The following DPP10 variants were observed in gnomAD, a reference collection of about 807,000 sequenced individuals.
DPP10 encodes the protein inactive dipeptidyl peptidase 10.
Under a neutral mutation model 120.9 loss-of-function variants are expected in DPP10, and 33 were observed. The observed-to-expected ratio is 0.27, with a 90% confidence interval of 0.21 to 0.37. The LOEUF (loss-of-function observed/expected upper bound fraction) is 0.37, where lower values mean the gene tolerates loss of function less well. Ranked by LOEUF, DPP10 falls within the 10% of genes least tolerant of loss-of-function variation. DPP10 has a pLI of 1.00. For synonymous variants in DPP10, 337 were observed against 326.1 expected (o/e 1.03, Z -0.36); for missense variants, 816 against 942.8 (o/e 0.87, Z 1.76).
chr2:114,803,662 G>A (rs1263707239), intron 1 of DPP10, among the ~76,000 whole-genome samples: 2 of 152,144 alleles, frequency 1.3e-5, no homozygotes, highest in African/African-American at 4.8e-5. Context: ...GAGATCCATG[G>A]AATTTTGAAC....
At chr2:115,754,204 G>C (rs1476304003) in intron 11 of DPP10, among the ~76,000 whole-genome samples, 1 of 152,122 alleles carries the variant, frequency 6.6e-6, no homozygotes, top group African/African-American at 2.4e-5. Flanking sequence ...CAGACAGGGA[G>C]AACCAGCGTT....
intron 1 of DPP10, among the ~76,000 whole-genome samples, chr2:115,013,658 C>CA (rs59313783): frequency 0.12 from 6,823 of 58,440 alleles, 393 homozygotes; most frequent in East Asian, 0.21. Flanking sequence ...AAATGGAAAG[C>CA]AAAAAAAAAA....
chr2:115,290,839 C>T (rs569048289), intron 1 of DPP10, among the ~76,000 whole-genome samples: 2 of 152,088 alleles, frequency 1.3e-5, no homozygotes, highest in South Asian at 2.1e-4. Context: ...TTCTATTTGG[C>T]CAACAAAGAA....
intron 1 of DPP10, among the ~76,000 whole-genome samples, chr2:114,729,356 A>C (rs72955701): frequency 0.013 from 1,931 of 152,378 alleles, 51 homozygotes; most frequent in African/African-American, 0.045. Context: ...ATAGCTAAAA[A>C]TGAAATGACT....
At chr2:115,355,038 T>C (rs1203739147) in intron 3 of DPP10, among the ~76,000 whole-genome samples, 1 of 152,218 alleles carries the variant, frequency 6.6e-6, no homozygotes, top group African/African-American at 2.4e-5. Flanking sequence ...TATAGTAGAA[T>C]GATTTATAAT....
At chr2:115,192,422 T>A (rs1241592018) in intron 1 of DPP10, among the ~76,000 whole-genome samples, 1 of 152,182 alleles carries the variant, frequency 6.6e-6, no homozygotes, top group African/African-American at 2.4e-5. Context: ...AGGGTATAAA[T>A]CTCTATGCAC....
intron 1 of DPP10, among the ~76,000 whole-genome samples, chr2:115,037,896 T>G (rs1022813840): frequency 6.6e-6 from 1 of 152,226 alleles, no homozygotes; most frequent in African/African-American, 2.4e-5. Context: ...GCCAACCATA[T>G]AATGATATTA....
chr2:115,157,664 T>C (rs894918896), intron 1 of DPP10, among the ~76,000 whole-genome samples: 2 of 152,200 alleles, frequency 1.3e-5, no homozygotes, highest in Admixed American at 1.3e-4. Flanking sequence ...TTTTGGGGAA[T>C]TCAAAACCCG....
At chr2:114,613,510 G>A (rs892857160) in intron 1 of DPP10, among the ~76,000 whole-genome samples, 15 of 152,170 alleles carry the variant, frequency 9.9e-5, no homozygotes, top group African/African-American at 3.6e-4. Flanking sequence ...CTTTTACACT[G>A]TTGGTGGGAG....
chr2:115,011,357 A>G (rs1258383954), intron 1 of DPP10, among the ~76,000 whole-genome samples: 1 of 152,162 alleles, frequency 6.6e-6, no homozygotes, highest in Non-Finnish European at 1.5e-5. Context: ...CCTGTCAGTC[A>G]TTGAGACATG....
intron 1 of DPP10, among the ~76,000 whole-genome samples, chr2:114,588,530 A>C (rs897678034): frequency 1.2e-4 from 18 of 152,198 alleles, no homozygotes; most frequent in African/African-American, 4.3e-4. Flanking sequence ...CCCAACACAA[A>C]TAAATGATAA....
chr2:115,102,395 TTTTGTTTG>T (rs141019149), intron 1 of DPP10, among the ~76,000 whole-genome samples: 8,490 of 150,868 alleles, frequency 0.056, 300 homozygotes, highest in East Asian at 0.15. Flanking sequence ...GGGAGGGGTT[TTTTGTTTG>T]TTTGTTTGTT....
chr2:114,497,387 A>G (rs1682751810), intron 1 of DPP10, among the ~76,000 whole-genome samples: 1 of 141,314 alleles, frequency 7.1e-6, no homozygotes, highest in African/African-American at 2.5e-5. Flanking sequence ...ATACATATAC[A>G]TACACATACA....
chr2:115,753,823 G>T (rs988933143), intron 11 of DPP10, among the ~76,000 whole-genome samples: 1 of 152,012 alleles, frequency 6.6e-6, no homozygotes, highest in Non-Finnish European at 1.5e-5. Flanking sequence ...TAAACTCTGT[G>T]GTAAATTCAA....
chr2:115,174,720 A>C (rs1476940326), intron 1 of DPP10, among the ~76,000 whole-genome samples: 2 of 152,190 alleles, frequency 1.3e-5, no homozygotes, highest in African/African-American at 4.8e-5. Context: ...TTTTCTTAAC[A>C]TTCCCAAGCT....
chr2:115,663,318 GA>G (rs1321959822), intron 5 of DPP10, among the ~76,000 whole-genome samples: 2 of 152,086 alleles, frequency 1.3e-5, no homozygotes, highest in African/African-American at 4.8e-5. Flanking sequence ...TGTATAATAA[GA>G]TCAAATGAAA....
intron 1 of DPP10, among the ~76,000 whole-genome samples, chr2:114,556,947 G>A (rs913203047): frequency 9.9e-5 from 15 of 151,412 alleles, no homozygotes; most frequent in African/African-American, 3.4e-4. Flanking sequence ...CAACTGGAGT[G>A]GGGTGAGGAG....
intron 1 of DPP10, among the ~76,000 whole-genome samples, chr2:114,734,422 A>G (rs1207982446): frequency 6.6e-6 from 1 of 152,152 alleles, no homozygotes; most frequent in Non-Finnish European, 1.5e-5. Context: ...AACTCAACCA[A>G]TTGTCCACCA....
intron 19 of DPP10, among the ~76,000 whole-genome samples, chr2:115,804,703 C>A (rs1235909674): frequency 6.6e-6 from 1 of 152,214 alleles, no homozygotes; most frequent in Admixed American, 6.5e-5. Flanking sequence ...CCACTCCAGA[C>A]CCTGTTTGCC....
Sources: allele counts gnomAD v4.1 joint callset (sites outside exome capture counted in the v4.1 genomes callset), GRCh38; gene constraint gnomAD v4.1.1; transcripts MANE v1.5; gene names NCBI Gene and HGNC (gene_info 2026-07-23, HGNC 2026-07-21).